The following CSMD1 variants were observed in gnomAD, a reference collection of about 807,000 sequenced individuals.
CSMD1 encodes CUB and Sushi multiple domains 1, also known as CUB and sushi domain-containing protein 1.
A neutral mutation model predicts 417.5 loss-of-function variants in CSMD1; 213 were observed. The observed-to-expected ratio is 0.51, with a 90% CI of 0.46 to 0.57. The LOEUF is 0.57. Among genes scored for constraint, CSMD1 ranks in the 20% least tolerant of loss-of-function variants. The probability of loss-of-function intolerance (pLI) is 0.00; values close to 1 mark genes in which losing one functional copy is unlikely to be tolerated. For missense variants in CSMD1, 6,923 were observed against 4,529.7 expected, an observed-to-expected ratio of 1.53 and a Z score of -15.17; for synonymous variants, 2,862 against 1,736.8, an observed-to-expected ratio of 1.65 and a Z score of -16.11.
intron 17 of CSMD1, among the ~76,000 whole-genome samples, chr8:3,391,065 T>C (rs1242728779): frequency 1.3e-5 from 2 of 152,174 alleles, no homozygotes; most frequent in Non-Finnish European, 2.9e-5. Context: ...CTGTGAGTGT[T>C]AGCATGCATG....
chr8:4,054,333 G>C (rs1191581374), intron 3 of CSMD1, among the ~76,000 whole-genome samples: 4 of 152,114 alleles, frequency 2.6e-5, no homozygotes, highest in Admixed American at 2.0e-4. Flanking sequence ...GCTGGGGTAG[G>C]AATGTGTGGT....
Position 4,015,850 on chromosome 8 carries a change from G to A in CSMD1, c.610+16055C>T, listed in dbSNP as rs78203926. On this transcript the variant is annotated intron_variant, in intron 4 of 69. Coordinates refer to ENST00000635120, the MANE Select transcript of CSMD1 (RefSeq NM_033225.6). The stretch of plus-strand genomic sequence containing the variant: ...CGGCGTAACTTCCCAATAATGGTTC[G>A]TATGCTGCCGTTTTCTATGGTTTAC... Among the ~76,000 whole-genome samples the A allele has an allele frequency of 3.0e-3, 458 of 152,200 alleles. 11 individuals carry two copies. In the East Asian group the frequency reaches 0.055, roughly 18 times the overall value.
chr8:4,917,179 G>A (rs1023172516), intron 1 of CSMD1, among the ~76,000 whole-genome samples: 5 of 152,198 alleles, frequency 3.3e-5, no homozygotes. Context: ...GAGGAAGACA[G>A]AGAGAAGTGG....
chr8:4,874,608 C>G (rs1016073384), intron 1 of CSMD1, among the ~76,000 whole-genome samples: 1 of 151,724 alleles, frequency 6.6e-6, no homozygotes, highest in Non-Finnish European at 1.5e-5. Context: ...CCAGGCTGGT[C>G]TCGAACTCCT....
At chr8:3,782,256 T>A (rs1247126062) in intron 5 of CSMD1, among the ~76,000 whole-genome samples, 4 of 152,200 alleles carry the variant, frequency 2.6e-5, no homozygotes, top group African/African-American at 9.6e-5. Flanking sequence ...GTTTTGTGCT[T>A]GCTTTGTTTA....
In CSMD1 at chr8:3,942,561, G is replaced by C. The variant is rs115810237; in HGVS notation, c.818+55342C>G. Among the ~76,000 whole-genome samples, 952 of 152,274 alleles carry C rather than the reference G, an allele frequency of 6.3e-3. 16 individuals are homozygous for C. Among genetic ancestry groups the C allele is most frequent in the African/African-American group, 0.022 (923 of 41,558 alleles). On this transcript the variant is annotated intron_variant, in intron 5 of 69. Coordinates refer to ENST00000635120, the MANE Select transcript of CSMD1 (RefSeq NM_033225.6). ...TGCATGAGGACTGAAAATGTGCTCA[G>C]TTCAGCTTCACAGAGAGATAGATGT...
At chr8:4,106,738 TCAA>T (rs1801587594) in intron 3 of CSMD1, among the ~76,000 whole-genome samples, 1 of 152,130 alleles carries the variant, frequency 6.6e-6, no homozygotes, top group African/African-American at 2.4e-5. Flanking sequence ...GCTCTTAAGT[TCAA>T]CAACAGACCC....
At chr8:4,747,606 C>G (rs1811040467) in intron 1 of CSMD1, among the ~76,000 whole-genome samples, 1 of 152,164 alleles carries the variant, frequency 6.6e-6, no homozygotes, top group Non-Finnish European at 1.5e-5. Context: ...TTGTGCTTCT[C>G]TCTTTATTCT....
At chr8:4,865,674 T>C (rs1035071276) in intron 1 of CSMD1, among the ~76,000 whole-genome samples, 11 of 151,890 alleles carry the variant, frequency 7.2e-5, no homozygotes, top group Non-Finnish European at 1.6e-4. Context: ...TTTATAATCA[T>C]TGGGAGGGGT....
intron 21 of CSMD1, among the ~76,000 whole-genome samples, chr8:3,351,233 A>C (rs11997607): frequency 0.054 from 8,274 of 152,266 alleles, 779 homozygotes; most frequent in African/African-American, 0.19. Flanking sequence ...GTAGGATTTC[A>C]TTACTCTAGG....
At chr8:4,926,155 G>A (rs1806854465) in intron 1 of CSMD1, among the ~76,000 whole-genome samples, 2 of 152,136 alleles carry the variant, frequency 1.3e-5, no homozygotes, top group African/African-American at 2.4e-5. Flanking sequence ...ATCATAAATT[G>A]AAAGGACAGC....
At chr8:3,050,105 T>TAAAA (rs11402129) in intron 50 of CSMD1, among the ~76,000 whole-genome samples, 2 of 140,560 alleles carry the variant, frequency 1.4e-5, no homozygotes, top group Non-Finnish European at 1.5e-5. Flanking sequence ...CTAGAGAACT[T>TAAAA]AAAAAAAAAA....
intron 1 of CSMD1, among the ~76,000 whole-genome samples, chr8:4,795,500 G>C (rs1797930093): frequency 6.6e-6 from 1 of 151,624 alleles, no homozygotes; most frequent in Non-Finnish European, 1.5e-5. Context: ...TCGATATCCT[G>C]ACCTGCCCAC....
chr8:4,655,277 G>C (rs1804155663), intron 1 of CSMD1, among the ~76,000 whole-genome samples: 1 of 152,044 alleles, frequency 6.6e-6, no homozygotes, highest in East Asian at 1.9e-4. Context: ...TGGGGTCACT[G>C]CCATGCTGCT....
At chr8:4,346,001 T>A (rs1427227086) in intron 3 of CSMD1, among the ~76,000 whole-genome samples, 1 of 152,172 alleles carries the variant, frequency 6.6e-6, no homozygotes, top group Non-Finnish European at 1.5e-5. Flanking sequence ...TAGTTCACAT[T>A]AGTATAAAAT....
chr8:4,119,638 G>A (rs924356339), intron 3 of CSMD1, among the ~76,000 whole-genome samples: 2 of 152,136 alleles, frequency 1.3e-5, no homozygotes, highest in Non-Finnish European at 2.9e-5. Flanking sequence ...GCTCTGTGAG[G>A]AACAAGGAAG....
intron 40 of CSMD1, among the ~76,000 whole-genome samples, chr8:3,145,583 T>C (rs936311476): frequency 1.1e-4 from 17 of 152,174 alleles, no homozygotes; most frequent in Non-Finnish European, 2.4e-4. Context: ...GCAGGATAAA[T>C]TATACAGCCA....
chr8:4,385,052 G>A (rs568248093), intron 3 of CSMD1, among the ~76,000 whole-genome samples: 13 of 152,150 alleles, frequency 8.5e-5, no homozygotes, highest in African/African-American at 2.6e-4. Context: ...TCAGCCTCCC[G>A]AAGAGCTGTG....
chr8:4,275,292 G>C (rs746335988), intron 3 of CSMD1, among the ~76,000 whole-genome samples: 2 of 152,028 alleles, frequency 1.3e-5, no homozygotes, highest in African/African-American at 2.4e-5. Flanking sequence ...GTTTTATTAA[G>C]AACAGAAACT....
Sources: gnomAD v4.1 joint callset for allele counts (sites outside exome capture counted in the v4.1 genomes callset) on GRCh38, gnomAD v4.1.1 for gene constraint, MANE v1.5 for transcripts, NCBI Gene and HGNC (gene_info 2026-07-23, HGNC 2026-07-21) for gene names.